RAD54B: variants seen among roughly 807,000 people sequenced by gnomAD.
RAD54B encodes the protein DNA repair and recombination protein RAD54B.
RAD54B carries 78 observed loss-of-function variants against 95.8 expected under a neutral mutation model. The observed-to-expected ratio is 0.81, with a 90% CI of 0.68 to 0.98. RAD54B has a LOEUF of 0.98. Among genes scored for constraint, RAD54B ranks in the 50% least tolerant of loss-of-function variants. The pLI, the probability that RAD54B is intolerant of heterozygous loss-of-function variation, is 0.00. For synonymous variants in RAD54B, 328 were observed against 354.9 expected, an observed-to-expected ratio of 0.92 and a Z score of 0.85; for missense variants, 957 against 1,056.6, an observed-to-expected ratio of 0.91 and a Z score of 1.31.
intron 8 of RAD54B, 62 bp downstream of exon 8, chr8:94,399,352 T>G: frequency 1.5e-6 from 2 of 1,292,856 alleles, no homozygotes; most frequent in Non-Finnish European, 2.2e-6. Flanking sequence ...AGCATCATAG[T>G]ACAAGTCTGT....
intron 1 of RAD54B, among the ~76,000 whole-genome samples, chr8:94,470,635 G>C (rs1165565607): frequency 2.0e-5 from 3 of 151,638 alleles, no homozygotes; most frequent in Non-Finnish European, 2.9e-5. Context: ...GTACACGCCT[G>C]TAATCCCAGC....
intron 3 of RAD54B, among the ~76,000 whole-genome samples, chr8:94,438,642 T>C (rs1400681825): frequency 6.6e-6 from 1 of 152,196 alleles, no homozygotes; most frequent in African/African-American, 2.4e-5. Context: ...GTATATACTT[T>C]AGATAATTAT....
intron 11 of RAD54B, among the ~76,000 whole-genome samples, chr8:94,382,491 A>G (rs925983266): frequency 6.6e-6 from 1 of 152,176 alleles, no homozygotes; most frequent in African/African-American, 2.4e-5. Flanking sequence ...CAAGAAGTCA[A>G]AAAGATTAAT....
chr8:94,449,309 A>T (rs2130156266), intron 3 of RAD54B, among the ~76,000 whole-genome samples: 1 of 152,014 alleles, frequency 6.6e-6, no homozygotes, highest in Middle Eastern at 3.4e-3. Flanking sequence ...CTAAAAAATA[A>T]TGCTCTATAC....
chr8:94,471,911 T>G (rs1012000772), intron 1 of RAD54B, among the ~76,000 whole-genome samples: 2 of 151,880 alleles, frequency 1.3e-5, no homozygotes, highest in South Asian at 2.1e-4. Flanking sequence ...AAATAAAAAT[T>G]TTTTAAATTG....
intron 3 of RAD54B, among the ~76,000 whole-genome samples, chr8:94,445,259 ACT>A (rs2130144682): frequency 6.6e-6 from 1 of 152,116 alleles, no homozygotes; most frequent in African/African-American, 2.4e-5. Flanking sequence ...TGAGGGCTCC[ACT>A]CTCATACCTA....
At chr8:94,420,326 G>C (rs1197663864) in intron 3 of RAD54B, among the ~76,000 whole-genome samples, 1 of 140,086 alleles carries the variant, frequency 7.1e-6, no homozygotes, top group Non-Finnish European at 1.5e-5. Context: ...TGTGATCTTG[G>C]TTCACAGAAA....
chr8:94,422,651 TATAA>T (rs1563650834), intron 3 of RAD54B, among the ~76,000 whole-genome samples: 1 of 88,908 alleles, frequency 1.1e-5, no homozygotes, highest in Non-Finnish European at 2.2e-5. Flanking sequence ...TATATATATA[TATAA>T]AATTATCAGT....
intron 3 of RAD54B, chr8:94,431,304 C>G: frequency 2.0e-6 from 2 of 977,782 alleles, no homozygotes; most frequent in Non-Finnish European, 2.4e-6. Flanking sequence ...ATCACACAGC[C>G]AAAATATATA....
At chr8:94,437,293 A>G (rs1337178893) in intron 3 of RAD54B, among the ~76,000 whole-genome samples, 1 of 152,226 alleles carries the variant, frequency 6.6e-6, no homozygotes, top group Non-Finnish European at 1.5e-5. Context: ...ACAAAAGAGG[A>G]ACTGTTTTGT....
At chr8:94,378,120 ACTG>A (rs1216052488) in intron 14 of RAD54B, 57 bp downstream of exon 14, 12 of 1,254,484 alleles carry the variant, frequency 9.6e-6, no homozygotes, top group East Asian at 2.6e-5. Flanking sequence ...AATATTTTCA[ACTG>A]CTAACAAGAA....
chr8:94,380,515 GC>G, intron 11 of RAD54B, 109 bp from the exon 12 acceptor site: 1 of 1,096,256 alleles, frequency 9.1e-7, no homozygotes, highest in East Asian at 2.5e-5. Context: ...GAGAGAACAT[GC>G]AACAATGACC....
intron 3 of RAD54B, among the ~76,000 whole-genome samples, chr8:94,447,242 T>G (rs1340851994): frequency 6.6e-6 from 1 of 152,152 alleles, no homozygotes; most frequent in Non-Finnish European, 1.5e-5. Flanking sequence ...ATAATCTAAA[T>G]TTACATATAT....
intron 11 of RAD54B, among the ~76,000 whole-genome samples, chr8:94,381,204 AC>A (rs1810730794): frequency 6.6e-6 from 1 of 152,182 alleles, no homozygotes; most frequent in Non-Finnish European, 1.5e-5. Flanking sequence ...CTACTAGAAT[AC>A]CAGCAGCCAG....
intron 3 of RAD54B, chr8:94,436,633 G>A (rs1812270297): frequency 4.5e-6 from 7 of 1,550,484 alleles, no homozygotes; most frequent in Non-Finnish European, 6.1e-6. Context: ...CTCCTGTTTG[G>A]CATATTCTTT....
intron 3 of RAD54B, among the ~76,000 whole-genome samples, chr8:94,420,251 A>ATTTTTTT (rs57897762): frequency 1.7e-5 from 2 of 117,030 alleles, no homozygotes; most frequent in Non-Finnish European, 3.5e-5. Context: ...AGAAAACTTG[A>ATTTTTTT]TTTTTTTTTT....
chr8:94,451,997 C>G (rs1452384364), intron 3 of RAD54B, among the ~76,000 whole-genome samples: 1 of 152,192 alleles, frequency 6.6e-6, no homozygotes, highest in Non-Finnish European at 1.5e-5. Flanking sequence ...TCCCACAGAT[C>G]TAAAGGCTGG....
chr8:94,459,873 A>AG (rs1812864879), intron 2 of RAD54B, among the ~76,000 whole-genome samples: 1 of 149,262 alleles, frequency 6.7e-6, no homozygotes, highest in Non-Finnish European at 1.5e-5. Flanking sequence ...AAAATAAAAA[A>AG]TTAGGCCGGG....
At chr8:94,459,876 A>T (rs1056699543) in intron 2 of RAD54B, among the ~76,000 whole-genome samples, 4 of 150,308 alleles carry the variant, frequency 2.7e-5, no homozygotes, top group African/African-American at 9.8e-5. Flanking sequence ...ATAAAAAATT[A>T]GGCCGGGCGC....
Sources: gnomAD v4.1 joint callset for allele counts (sites outside exome capture counted in the v4.1 genomes callset) on GRCh38, gnomAD v4.1.1 for gene constraint, MANE v1.5 for transcripts, NCBI Gene and HGNC (gene_info 2026-07-23, HGNC 2026-07-21) for gene names.